Variants in MOSPD2 observed in about 807,000 individuals in gnomAD.
MOSPD2 encodes the protein motile sperm domain-containing protein 2.
A neutral mutation model predicts 41.7 loss-of-function variants in MOSPD2; 5 were observed. The observed-to-expected ratio is 0.12, with a 90% confidence interval of 0.06 to 0.25. The LOEUF (loss-of-function observed/expected upper bound fraction) is 0.25, where lower values mean the gene tolerates loss of function less well. Among genes scored for constraint, MOSPD2 ranks in the 10% least tolerant of loss-of-function variants. The pLI, the probability that MOSPD2 is intolerant of heterozygous loss-of-function variation, is 1.00. For missense variants in MOSPD2, 282 were observed against 375.2 expected (o/e 0.75, Z 2.05); for synonymous variants, 115 against 126.9 (o/e 0.91, Z 0.63).
chrX:14,921,132 A>C lies in MOSPD2; in HGVS notation c.*1323A>C. Reference sequence around the variant, plus strand: ...TTTGGGTCTATGTTGGTTCACATGTACATCTACTTTATATGAAAGAAAAAA... The same window carrying C: ...TTTGGGTCTATGTTGGTTCACATGTCCATCTACTTTATATGAAAGAAAAAA... On this transcript the variant is annotated 3_prime_UTR_variant, in exon 15 of 15. Transcript: ENST00000380492. The C allele has an allele frequency of 1.2e-6, 1 of 857,633 alleles. No individual in the cohort carries two copies. Among genetic ancestry groups the C allele is most frequent in the Non-Finnish European group, 1.4e-6 (1 of 705,268 alleles). The allele number at this position is 857,633 out of a possible 1,213,427, so 70.7% of individuals were successfully genotyped here.
chrX:14,911,831 G>A (rs2092592341), intron 9 of MOSPD2, among the ~76,000 whole-genome samples: 1 of 112,231 alleles, frequency 8.9e-6, no homozygotes, highest in African/African-American at 3.2e-5. Context: ...AGGCTGTACT[G>A]AGCCATGATT....
At chrX:14,884,983 T>A (rs2092538469) in intron 2 of MOSPD2, among the ~76,000 whole-genome samples, 2 of 111,293 alleles carry the variant, frequency 1.8e-5, no homozygotes, top group South Asian at 7.4e-4. Flanking sequence ...TACAAACATG[T>A]TGAATGATTT....
At chrX:14,889,502 T>G (rs1048620414) in intron 2 of MOSPD2, among the ~76,000 whole-genome samples, 2 of 109,907 alleles carry the variant, frequency 1.8e-5, no homozygotes, top group African/African-American at 6.6e-5. Flanking sequence ...TTCCTCTGTG[T>G]CTCATTCTAT....
intron 2 of MOSPD2, among the ~76,000 whole-genome samples, chrX:14,889,183 T>C (rs1017343604): frequency 9.0e-6 from 1 of 110,897 alleles, no homozygotes; most frequent in African/African-American, 3.3e-5. Context: ...GGAACCCTTA[T>C]GGCCTAATCA....
intron 7 of MOSPD2, 66 bp downstream of exon 7, chrX:14,903,070 A>G (rs974672491): frequency 1.9e-5 from 14 of 723,766 alleles, no homozygotes; most frequent in South Asian, 2.3e-5. Context: ...ATTTAGCCAT[A>G]TTTCTACAAT....
chrX:14,891,091 T>A (rs995246050), intron 2 of MOSPD2, among the ~76,000 whole-genome samples: 14 of 112,285 alleles, frequency 1.2e-4, no homozygotes, highest in Non-Finnish European at 5.6e-5. Context: ...GGGAAATATG[T>A]CTTCCGTGCT....
rs764632604 is a variant in MOSPD2, at chrX:14,920,530, A to G, written c.*721A>G. ...TCTTTGAATTCTGTTAGTAATGCCCAAAAGAAAAGTCTCAAGCAGTCCCCC... is the reference window on the plus strand; with the variant it reads ...TCTTTGAATTCTGTTAGTAATGCCCGAAAGAAAAGTCTCAAGCAGTCCCCC... On this transcript the variant is annotated 3_prime_UTR_variant, in exon 15 of 15. Coordinates refer to ENST00000380492, the MANE Select transcript of MOSPD2 (RefSeq NM_152581.4). 3 of 752,398 alleles carry G rather than the reference A, an allele frequency of 4.0e-6. No homozygotes were observed. The highest frequency in any genetic ancestry group is 1.4e-4 in the South Asian group (2 of 14,702). 62.0% of individuals were successfully genotyped at this position (752,398 alleles called of 1,213,427 possible). A position where few individuals can be genotyped will look rare whatever the true frequency, so the allele number is the denominator to read the frequency against.
chrX:14,908,429 T>C (rs2092586024), intron 7 of MOSPD2, among the ~76,000 whole-genome samples: 1 of 111,999 alleles, frequency 8.9e-6, no homozygotes, highest in Non-Finnish European at 1.9e-5. Flanking sequence ...TTTCTTTCTT[T>C]TCTGACTCGC....
chrX:14,905,792 C>T (rs1028524804), intron 7 of MOSPD2, among the ~76,000 whole-genome samples: 2 of 111,696 alleles, frequency 1.8e-5, no homozygotes, highest in Non-Finnish European at 3.8e-5. Context: ...ATACCTGGCC[C>T]CTCCTATATA....
chrX:14,898,731 C>G (rs2092567196), intron 5 of MOSPD2, among the ~76,000 whole-genome samples: 1 of 111,538 alleles, frequency 9.0e-6, no homozygotes, highest in African/African-American at 3.3e-5. Context: ...AGTATAAGGA[C>G]AGAGAATTGA....
intron 10 of MOSPD2, among the ~76,000 whole-genome samples, chrX:14,913,495 C>T (rs1569106553): frequency 8.9e-6 from 1 of 111,845 alleles, no homozygotes; most frequent in East Asian, 2.8e-4. Flanking sequence ...GTGCTGGTTA[C>T]TAAGAACAAT....
intron 5 of MOSPD2, among the ~76,000 whole-genome samples, chrX:14,897,637 G>A (rs754632492): frequency 5.4e-5 from 6 of 111,835 alleles, no homozygotes; most frequent in Admixed American, 1.9e-4. Flanking sequence ...ATACCATCTC[G>A]AATTTGTTAT....
chrX:14,905,611 A>G (rs187507937), intron 7 of MOSPD2, among the ~76,000 whole-genome samples: 2 of 110,869 alleles, frequency 1.8e-5, no homozygotes, highest in Admixed American at 1.9e-4. Flanking sequence ...CTCCTGCCTC[A>G]GCCTCCCAAG....
chrX:14,892,753 T>A lies in MOSPD2; in HGVS notation c.110T>A (p.Val37Asp). 8.3e-7 allele frequency: 1 copy of A among 1,203,677 alleles called. No homozygotes were observed. Among genetic ancestry groups the A allele is most frequent in the Non-Finnish European group, 1.1e-6 (1 of 888,994 alleles). The change falls in exon 3 of 15, where the codon GTT becomes GAT. Residue 37 changes from valine (V) to aspartate (D), a missense_variant. Transcript: ENST00000380492. Reference protein sequence around the residue: ...DKSDKYDARDVERLQQDDNWV... With the variant: ...DKSDKYDARDDERLQQDDNWV... ...TCAGATAAATATGATGCACGTGATG[T>A]TGAAAGGCTACAACAAGATGATAAC...
At chrX:14,919,590 T>C (rs1236187648) in intron 14 of MOSPD2, 82 bp from the exon 15 acceptor site, 8 of 762,207 alleles carry the variant, frequency 1.0e-5, no homozygotes, top group Non-Finnish European at 1.6e-5. Context: ...AGTGTTTGGA[T>C]TTCTAGTATT....
chrX:14,914,773 TC>T (rs2092597547), intron 11 of MOSPD2, among the ~76,000 whole-genome samples, 174 bp downstream of exon 11: 1 of 112,001 alleles, frequency 8.9e-6, no homozygotes, highest in African/African-American at 3.2e-5. Flanking sequence ...CATAGCTTTA[TC>T]AAAAAATTTT....
intron 9 of MOSPD2, among the ~76,000 whole-genome samples, chrX:14,911,801 C>T (rs1195803403): frequency 9.0e-6 from 1 of 111,689 alleles, no homozygotes; most frequent in African/African-American, 3.3e-5. Flanking sequence ...TTGGGAAGAT[C>T]GCTTGAGCCC....
chrX:14,897,426 T>C (rs1386040222), intron 5 of MOSPD2, among the ~76,000 whole-genome samples, 188 bp downstream of exon 5: 1 of 111,911 alleles, frequency 8.9e-6, no homozygotes, highest in Admixed American at 9.5e-5. Flanking sequence ...TAAATTTGTT[T>C]CTGTATTTGG....
chrX:14,890,230 C>T (rs1459466704), intron 2 of MOSPD2, among the ~76,000 whole-genome samples: 2 of 110,968 alleles, frequency 1.8e-5, no homozygotes, highest in Non-Finnish European at 1.9e-5. Context: ...TAGAAAGTCC[C>T]TGATGAAACA....
Sources: allele counts gnomAD v4.1 joint callset (sites outside exome capture counted in the v4.1 genomes callset), GRCh38; gene constraint gnomAD v4.1.1; transcripts MANE v1.5; gene names NCBI Gene and HGNC (gene_info 2026-07-23, HGNC 2026-07-21).